Variants in MAF observed in about 807,000 individuals in gnomAD.
MAF encodes MAF bZIP transcription factor, also known as transcription factor Maf.
MAF carries 10 observed loss-of-function variants against 22.0 expected under a neutral mutation model. The ratio of observed to expected loss-of-function variants is 0.45; its 90% CI spans 0.28 to 0.77. The LOEUF (loss-of-function observed/expected upper bound fraction) is 0.77. Among genes scored for constraint, MAF ranks in the 30% least tolerant of loss-of-function variants. The pLI, the probability that MAF is intolerant of heterozygous loss-of-function variation, is 0.12. For missense variants in MAF, 544 were observed against 548.4 expected, an observed-to-expected ratio of 0.99 and a Z score of 0.08; for synonymous variants, 337 against 255.8, an observed-to-expected ratio of 1.32 and a Z score of -3.03.
the MAF span, among the ~76,000 whole-genome samples, chr16:79,310,086 T>C: frequency 6.6e-6 from 1 of 152,090 alleles, no homozygotes; most frequent in Non-Finnish European, 1.5e-5. Context: ...TGAGAATTAA[T>C]AAAAACGTGA....
At chr16:79,441,072 T>C in the MAF span, among the ~76,000 whole-genome samples, 1 of 152,230 alleles carries the variant, frequency 6.6e-6, no homozygotes, top group Non-Finnish European at 1.5e-5. Flanking sequence ...CTTATCAGAA[T>C]GACATGTATT....
At chr16:79,518,883 C>T in the MAF span, among the ~76,000 whole-genome samples, 1 of 152,112 alleles carries the variant, frequency 6.6e-6, no homozygotes, top group African/African-American at 2.4e-5. Flanking sequence ...CAAGATCATG[C>T]CACTGCAGTC....
the MAF span, among the ~76,000 whole-genome samples, chr16:79,336,910 G>A: frequency 0.011 from 1,685 of 152,244 alleles, 40 homozygotes; most frequent in African/African-American, 0.039. Flanking sequence ...TTGAGTGCCT[G>A]GGGTGTACAA....
chr16:79,373,757 C>T, the MAF span, among the ~76,000 whole-genome samples: 5 of 152,112 alleles, frequency 3.3e-5, no homozygotes, highest in Non-Finnish European at 5.9e-5. Context: ...TGAGCTGCCC[C>T]AGACTCTGCA....
chr16:79,247,990 A>C, the MAF span, among the ~76,000 whole-genome samples: 5 of 149,326 alleles, frequency 3.3e-5, no homozygotes, highest in African/African-American at 1.2e-4. Flanking sequence ...TACTTTACCC[A>C]CCCAGTTTTG....
chr16:79,328,928 C>G, the MAF span, among the ~76,000 whole-genome samples: 2 of 152,156 alleles, frequency 1.3e-5, no homozygotes, highest in Non-Finnish European at 2.9e-5. Context: ...TAACTGGGTG[C>G]AGAATCTGGT....
the MAF span, among the ~76,000 whole-genome samples, chr16:79,269,731 T>C: frequency 6.6e-6 from 1 of 152,162 alleles, no homozygotes; most frequent in Non-Finnish European, 1.5e-5. Context: ...CCTCTCAGAC[T>C]TCCTTTCATG....
chr16:79,593,628 T>A (rs1424098246), downstream of MAF, among the ~76,000 whole-genome samples: 1 of 152,210 alleles, frequency 6.6e-6, no homozygotes. Context: ...GGAAATGATG[T>A]CTCCGTAGCA....
chr16:79,543,696 T>C, the MAF span, among the ~76,000 whole-genome samples: 1 of 148,812 alleles, frequency 6.7e-6, no homozygotes, highest in South Asian at 2.2e-4. Flanking sequence ...TTTTCTTTTT[T>C]TTTTTTCTGA....
the MAF span, among the ~76,000 whole-genome samples, chr16:79,420,726 G>C: frequency 1.3e-5 from 2 of 152,322 alleles, no homozygotes; most frequent in African/African-American, 4.8e-5. Flanking sequence ...ATAAGTGACT[G>C]CAGTACAATA....
the MAF span, among the ~76,000 whole-genome samples, chr16:79,509,995 G>A: frequency 7.2e-5 from 11 of 152,162 alleles, no homozygotes; most frequent in African/African-American, 2.7e-4. Context: ...AGGAAGCAGG[G>A]ACTCTTCCTA....
chr16:79,244,080 C>G, the MAF span, among the ~76,000 whole-genome samples: 3 of 152,016 alleles, frequency 2.0e-5, no homozygotes, highest in East Asian at 3.9e-4. Context: ...ATAATAAGAG[C>G]TATTTATGAC....
chr16:79,446,638 C>T, the MAF span, among the ~76,000 whole-genome samples: 275 of 152,178 alleles, frequency 1.8e-3, no homozygotes, highest in Middle Eastern at 0.01. Context: ...TCAGGCCGGG[C>T]GCAGTGGCTC....
chr16:79,337,602 T>G, the MAF span, among the ~76,000 whole-genome samples: 2 of 136,698 alleles, frequency 1.5e-5, no homozygotes, highest in Non-Finnish European at 3.2e-5. Flanking sequence ...AGCATACCAT[T>G]TGCAAGCAAG....
chr16:79,595,924 G>A (rs1913493183), intron 1 of MAF: 2 of 1,059,364 alleles, frequency 1.9e-6, no homozygotes, highest in Middle Eastern at 8.5e-4. Flanking sequence ...CAGTGTTAAA[G>A]AGAAAAGCAA....
At chr16:79,526,786 A>G in the MAF span, among the ~76,000 whole-genome samples, 1 of 152,228 alleles carries the variant, frequency 6.6e-6, no homozygotes, top group Non-Finnish European at 1.5e-5. Context: ...TGAAGTCACC[A>G]AACGTGGAGT....
chr16:79,337,072 C>G, the MAF span, among the ~76,000 whole-genome samples: 1 of 152,178 alleles, frequency 6.6e-6, no homozygotes, highest in Non-Finnish European at 1.5e-5. Flanking sequence ...TGCAAACCTT[C>G]ATACAAAACC....
At chr16:79,499,106 G>A in the MAF span, among the ~76,000 whole-genome samples, 4 of 152,214 alleles carry the variant, frequency 2.6e-5, no homozygotes, top group African/African-American at 7.2e-5. Flanking sequence ...AGGCCTACTC[G>A]AAGCCAACTT....
chr16:79,490,496 C>T, the MAF span, among the ~76,000 whole-genome samples: 4 of 152,136 alleles, frequency 2.6e-5, no homozygotes, highest in Non-Finnish European at 5.9e-5. Context: ...TACACTCATA[C>T]AATGCAACTC....
Sources: allele counts gnomAD v4.1 joint callset (sites outside exome capture counted in the v4.1 genomes callset), GRCh38; gene constraint gnomAD v4.1.1; transcripts MANE v1.5; gene names NCBI Gene and HGNC (gene_info 2026-07-23, HGNC 2026-07-21).